PDIA5: variants seen among roughly 807,000 people sequenced by gnomAD.
PDIA5 encodes the protein protein disulfide-isomerase A5.
In PDIA5, 58 loss-of-function variants were observed where a neutral mutation model predicts 77.6. The observed-to-expected ratio is 0.75, with a 90% confidence interval of 0.61 to 0.93. The LOEUF (loss-of-function observed/expected upper bound fraction) is 0.93. PDIA5 is among the 40% of genes least tolerant of loss of function. PDIA5 has a pLI of 0.00. For missense variants in PDIA5, 630 were observed against 647.7 expected, an observed-to-expected ratio of 0.97 and a Z score of 0.30; for synonymous variants, 250 against 252.1, an observed-to-expected ratio of 0.99 and a Z score of 0.08.
chr3:123,110,829 C>T lies in PDIA5; in HGVS notation c.481-115C>T, dbSNP rs1388461651. The T allele has an allele frequency of 9.0e-6, 8 of 887,908 alleles. No homozygotes were observed. In the South Asian group the frequency reaches 9.3e-5, roughly 10 times the overall value. The allele number at this position is 887,908 out of a possible 1,614,324, so 55.0% of individuals were successfully genotyped here. ...TATGCTTTCTGAAGTGCTCACTCCC[C>T]CTCCCCTCCCCATCCCTACCCTTCA... On this transcript the variant is annotated intron_variant, in intron 6 of 16. Coordinates refer to ENST00000316218, the MANE Select transcript of PDIA5 (RefSeq NM_006810.4).
At chr3:123,136,200 G>A (rs550928970) in intron 11 of PDIA5, among the ~76,000 whole-genome samples, 1 of 152,288 alleles carries the variant, frequency 6.6e-6, no homozygotes, top group South Asian at 2.1e-4. Flanking sequence ...CTCCCAAGCA[G>A]CTGGGATTAT....
intron 5 of PDIA5, among the ~76,000 whole-genome samples, chr3:123,106,527 A>C (rs1934737097): frequency 6.6e-6 from 1 of 152,136 alleles, no homozygotes; most frequent in Admixed American, 6.5e-5. Flanking sequence ...GTGATTGAAA[A>C]AGCCCGATGG....
At chr3:123,085,207 T>G (rs993794197) in intron 1 of PDIA5, among the ~76,000 whole-genome samples, 2 of 152,182 alleles carry the variant, frequency 1.3e-5, no homozygotes, top group Non-Finnish European at 2.9e-5. Context: ...ATAATACTGG[T>G]CAAACATTTC....
In PDIA5 at chr3:123,075,041, A is replaced by G. The variant is rs187248134; in HGVS notation, c.42+7835A>G. ...TTTCTGTTTGGTAAAGAAGAGAAGC[A>G]CAAAGATTATTGCCCTGAAGGACAT... On this transcript the variant is annotated intron_variant, in intron 1 of 16. Transcript: ENST00000316218. Among the ~76,000 whole-genome samples, 319 of 152,358 alleles carry G rather than the reference A, an allele frequency of 2.1e-3. 1 individual carries two copies. Among genetic ancestry groups the G allele is most frequent in the Admixed American group, 4.9e-3 (75 of 15,308 alleles).
intron 10 of PDIA5, among the ~76,000 whole-genome samples, chr3:123,125,945 A>C (rs1010139156): frequency 2.0e-5 from 3 of 152,088 alleles, no homozygotes; most frequent in Non-Finnish European, 2.9e-5. Flanking sequence ...CCTCTCCTCT[A>C]TCCAGACACA....
intron 1 of PDIA5, among the ~76,000 whole-genome samples, chr3:123,087,753 A>C (rs956273587): frequency 6.6e-6 from 1 of 152,192 alleles, no homozygotes; most frequent in East Asian, 1.9e-4. Flanking sequence ...AGAGCAAGGC[A>C]CTAGCACATT....
intron 7 of PDIA5, among the ~76,000 whole-genome samples, chr3:123,112,780 A>G (rs2107943782): frequency 6.6e-6 from 1 of 151,990 alleles, no homozygotes; most frequent in South Asian, 2.1e-4. Context: ...GGCTGGTCTC[A>G]AACTCCTGAC....
intron 1 of PDIA5, among the ~76,000 whole-genome samples, chr3:123,069,124 C>T (rs1933662047): frequency 6.6e-6 from 1 of 152,162 alleles, no homozygotes; most frequent in Non-Finnish European, 1.5e-5. Flanking sequence ...GGGAGCATGC[C>T]AACAGGAGCA....
chr3:123,083,240 G>A (rs1040660552), intron 1 of PDIA5, among the ~76,000 whole-genome samples: 1 of 151,778 alleles, frequency 6.6e-6, no homozygotes, highest in Non-Finnish European at 1.5e-5. Flanking sequence ...GTGAAGCTCT[G>A]TGAGGGGGTT....
At chr3:123,114,174 G>A (rs28713505) in intron 7 of PDIA5, among the ~76,000 whole-genome samples, 14,251 of 152,290 alleles carry the variant, frequency 0.094, 880 homozygotes, top group Non-Finnish European at 0.14. Context: ...GAAGAGAGAG[G>A]CCACACTGTG....
intron 8 of PDIA5, among the ~76,000 whole-genome samples, chr3:123,118,626 T>C (rs769416265): frequency 1.3e-5 from 2 of 152,184 alleles, no homozygotes; most frequent in Non-Finnish European, 2.9e-5. Flanking sequence ...GATACGTTCA[T>C]CTTTGCTTTT....
intron 11 of PDIA5, among the ~76,000 whole-genome samples, 189 bp downstream of exon 11, chr3:123,130,805 C>T (rs1379780024): frequency 5.3e-5 from 8 of 152,140 alleles, no homozygotes; most frequent in Non-Finnish European, 1.5e-5. Flanking sequence ...CCCCCCATTG[C>T]CATGGAAACA....
intron 11 of PDIA5, among the ~76,000 whole-genome samples, chr3:123,136,725 C>CAAAGA (rs1935512738): frequency 1.4e-5 from 1 of 71,530 alleles, no homozygotes; most frequent in Non-Finnish European, 2.5e-5. Flanking sequence ...GGTGACAAGA[C>CAAAGA]AAAAAAAAAA....
chr3:123,157,951 C>T (rs1936055967), intron 15 of PDIA5, among the ~76,000 whole-genome samples: 1 of 152,172 alleles, frequency 6.6e-6, no homozygotes, highest in Non-Finnish European at 1.5e-5. Context: ...TGAAGGTCAC[C>T]CTTAGAGGGA....
In PDIA5 at chr3:123,161,405, C is replaced by T; in HGVS notation, c.1429C>T (p.His477Tyr). 1 of 1,614,184 alleles carries T rather than the reference C, an allele frequency of 6.2e-7. No homozygotes were observed. The highest frequency in any genetic ancestry group is 8.5e-7 in the Non-Finnish European group (1 of 1,180,024). The change falls in exon 16 of 17, where the codon CAC becomes TAC. Residue 477 changes from histidine to tyrosine, a missense_variant. His to Tyr is a moderately conservative substitution (Grantham distance 83). Coordinates refer to ENST00000316218, the MANE Select transcript of PDIA5 (RefSeq NM_006810.4). ...QEAVKGYPTF[H>Y]YYHYGKFAEK... Reference sequence around the variant, plus strand: ...GGCGGTCAAGGGCTACCCCACTTTCCACTACTACCACTATGGGAAGTTCGC... The same window carrying T: ...GGCGGTCAAGGGCTACCCCACTTTCTACTACTACCACTATGGGAAGTTCGC...
intron 1 of PDIA5, among the ~76,000 whole-genome samples, chr3:123,075,494 G>A (rs1312992124): frequency 2.0e-5 from 3 of 152,220 alleles, no homozygotes; most frequent in Non-Finnish European, 4.4e-5. Flanking sequence ...CAAACAAGAT[G>A]AGAACTGGAA....
intron 3 of PDIA5, among the ~76,000 whole-genome samples, chr3:123,095,190 G>C (rs993039630): frequency 2.6e-5 from 4 of 152,174 alleles, no homozygotes; most frequent in Non-Finnish European, 5.9e-5. Flanking sequence ...CTTCTTTCCA[G>C]GTCTGTGATA....
intron 3 of PDIA5, among the ~76,000 whole-genome samples, chr3:123,095,830 C>T (rs1427923660): frequency 6.6e-6 from 1 of 151,770 alleles, no homozygotes; most frequent in Non-Finnish European, 1.5e-5. Flanking sequence ...GCTTTGAGTC[C>T]AGGCTCTGAC....
At chr3:123,154,721 T>A (rs1935981007) in intron 14 of PDIA5, among the ~76,000 whole-genome samples, 2 of 152,068 alleles carry the variant, frequency 1.3e-5, no homozygotes, top group African/African-American at 4.8e-5. Context: ...ACAGTGACCA[T>A]CGCCCCCCAG....
Sources: gnomAD v4.1 joint callset for allele counts (sites outside exome capture counted in the v4.1 genomes callset) on GRCh38, gnomAD v4.1.1 for gene constraint, MANE v1.5 for transcripts, NCBI Gene and HGNC (gene_info 2026-07-23, HGNC 2026-07-21) for gene names.